Variants in CCSER1 observed in about 807,000 individuals in gnomAD.
CCSER1 encodes the protein coiled-coil serine rich protein 1.
In CCSER1, 41 loss-of-function variants were observed where a neutral mutation model predicts 82.0. The ratio of observed to expected loss-of-function variants is 0.50; its 90% CI spans 0.39 to 0.65. The LOEUF (loss-of-function observed/expected upper bound fraction) is 0.65, where lower values mean the gene tolerates loss of function less well. Ranked by LOEUF, CCSER1 falls within the 30% of genes least tolerant of loss-of-function variation. The probability of loss-of-function intolerance (pLI) is 0.00; values close to 1 mark genes in which losing one functional copy is unlikely to be tolerated. For missense variants in CCSER1, 1,119 were observed against 1,064.2 expected (o/e 1.05, Z -0.72); for synonymous variants, 414 against 383.9 (o/e 1.08, Z -0.92).
chr4:91,181,940 T>G (rs1464892379), intron 10 of CCSER1, among the ~76,000 whole-genome samples: 1 of 152,232 alleles, frequency 6.6e-6, no homozygotes, highest in African/African-American at 2.4e-5. Flanking sequence ...GCCCGATAAG[T>G]ATAATTGTTC....
intron 10 of CCSER1, among the ~76,000 whole-genome samples, chr4:91,565,846 T>C (rs1762863372): frequency 6.6e-6 from 1 of 152,172 alleles, no homozygotes; most frequent in Non-Finnish European, 1.5e-5. Context: ...CAGAGATAGT[T>C]TGACTTCCTG....
chr4:91,356,600 A>G (rs1025030235), intron 10 of CCSER1, among the ~76,000 whole-genome samples: 7 of 152,214 alleles, frequency 4.6e-5, no homozygotes, highest in Non-Finnish European at 7.3e-5. Context: ...CTAAAGCACA[A>G]GTGCCACTCT....
intron 6 of CCSER1, among the ~76,000 whole-genome samples, chr4:90,655,433 G>T (rs1368479138): frequency 1.3e-5 from 2 of 151,902 alleles, no homozygotes; most frequent in African/African-American, 4.8e-5. Flanking sequence ...GAGAACTTTG[G>T]GAAGTTTTAA....
Position 90,819,108 on chromosome 4 carries a change from C to T in CCSER1, c.2094+3263C>T, listed in dbSNP as rs925839252. Among the ~76,000 whole-genome samples the T allele has an allele frequency of 2.6e-5, 4 of 152,060 alleles. No homozygotes were observed. In the East Asian group the frequency reaches 7.7e-4, roughly 29 times the overall value. The stretch of plus-strand genomic sequence containing the variant: ...GCTGTCTTCCTGGCTTGCAGATGGC[C>T]ATCTTTTCGGTATGTGCTCCCATGG... On this transcript the variant is annotated intron_variant, in intron 8 of 10. Transcript: ENST00000509176.
intron 9 of CCSER1, among the ~76,000 whole-genome samples, chr4:91,056,116 A>C (rs28857631): frequency 0.17 from 26,141 of 151,810 alleles, 2,341 homozygotes; most frequent in Admixed American, 0.23. Flanking sequence ...TCATGTCTTT[A>C]GTTCTTTGAG....
intron 10 of CCSER1, among the ~76,000 whole-genome samples, chr4:91,371,467 GTCCTTCAGT>G (rs1295748640): frequency 2.0e-5 from 3 of 151,990 alleles, no homozygotes; most frequent in Non-Finnish European, 1.5e-5. Flanking sequence ...TTAACATAAT[GTCCTTCAGT>G]TCCATTTATG....
chr4:90,860,820 CA>C (rs1364524146), intron 8 of CCSER1, among the ~76,000 whole-genome samples: 4 of 151,546 alleles, frequency 2.6e-5, no homozygotes, highest in African/African-American at 9.7e-5. Context: ...CAAGTCTATA[CA>C]GACAGAAAGT....
At chr4:91,520,916 G>A (rs1244486602) in intron 10 of CCSER1, among the ~76,000 whole-genome samples, 3 of 151,722 alleles carry the variant, frequency 2.0e-5, no homozygotes, top group South Asian at 2.1e-4. Context: ...CTTTAAGTTC[G>A]AGGGTACATG....
At chr4:91,433,827 G>C (rs1754474385) in intron 10 of CCSER1, among the ~76,000 whole-genome samples, 2 of 152,190 alleles carry the variant, frequency 1.3e-5, no homozygotes. Flanking sequence ...AGTGTCCCAA[G>C]AGTCTAGCTC....
At chr4:91,098,302 T>C (rs1389984627) in intron 10 of CCSER1, among the ~76,000 whole-genome samples, 3 of 152,204 alleles carry the variant, frequency 2.0e-5, no homozygotes, top group Non-Finnish European at 4.4e-5. Flanking sequence ...ATCATTTTAA[T>C]TCTCTCCAAA....
chr4:91,353,084 A>T (rs986492518), intron 10 of CCSER1, among the ~76,000 whole-genome samples: 32 of 152,350 alleles, frequency 2.1e-4, no homozygotes, highest in Admixed American at 7.2e-4. Context: ...TCCAGACAGC[A>T]GGACAGCAAA....
chr4:90,274,709 ACCATCTTGGT>A (rs1727220061), intron 1 of CCSER1, among the ~76,000 whole-genome samples: 2 of 152,128 alleles, frequency 1.3e-5, no homozygotes, highest in African/African-American at 4.8e-5. Context: ...TTTGCACTTG[ACCATCTTGGT>A]CCCAGAATAT....
chr4:90,256,897 T>C (rs1723399477), intron 1 of CCSER1, among the ~76,000 whole-genome samples: 1 of 152,112 alleles, frequency 6.6e-6, no homozygotes, highest in South Asian at 2.1e-4. Context: ...TTACAGTATA[T>C]TGCTTTGTTT....
chr4:91,598,743 A>G lies in CCSER1; in HGVS notation c.2389A>G (p.Lys797Glu), dbSNP rs772385310. The change falls in exon 11 of 11, where the codon AAG becomes GAG. Residue 797 changes from lysine (K) to glutamate (E), a missense_variant. Lys to Glu is a moderately conservative substitution (Grantham distance 56). Coordinates refer to ENST00000509176, the MANE Select transcript of CCSER1 (RefSeq NM_001145065.2). ...SLCLSNFLKD[K>E]ELAEVIKHSR... ...CTGTTTAAGTAATTTCCTGAAGGAC[A>G]AGGAACTAGCAGAAGTTATCAAACA... 5 of 1,551,646 alleles carry G rather than the reference A, an allele frequency of 3.2e-6. No individual in the cohort carries two copies. Among genetic ancestry groups the G allele is most frequent in the Non-Finnish European group, 4.4e-6 (5 of 1,146,932 alleles).
intron 10 of CCSER1, among the ~76,000 whole-genome samples, chr4:91,475,450 CT>C (rs1343698840): frequency 6.6e-6 from 1 of 151,722 alleles, no homozygotes; most frequent in Non-Finnish European, 1.5e-5. Context: ...ATATCCCAAA[CT>C]TGTTATATAA....
chr4:90,261,470 G>T (rs1023258622), intron 1 of CCSER1, among the ~76,000 whole-genome samples: 2 of 152,142 alleles, frequency 1.3e-5, no homozygotes, highest in East Asian at 3.9e-4. Context: ...GAAGTCTTCT[G>T]TTAGTCTGAT....
chr4:90,729,321 A>C (rs893667204), intron 7 of CCSER1, among the ~76,000 whole-genome samples: 2 of 152,214 alleles, frequency 1.3e-5, no homozygotes, highest in Non-Finnish European at 2.9e-5. Context: ...ATATGAAAGA[A>C]ATATATTTTA....
At chr4:91,000,651 A>G (rs1363601010) in intron 9 of CCSER1, among the ~76,000 whole-genome samples, 1 of 151,836 alleles carries the variant, frequency 6.6e-6, no homozygotes, top group Non-Finnish European at 1.5e-5. Context: ...CCTTGATTAG[A>G]TGTATTCCTA....
chr4:91,483,038 A>G (rs901036056), intron 10 of CCSER1, among the ~76,000 whole-genome samples: 6 of 152,138 alleles, frequency 3.9e-5, no homozygotes, highest in African/African-American at 1.4e-4. Flanking sequence ...GCACATGTAT[A>G]CATATGTAAC....
Sources: gnomAD v4.1 joint callset for allele counts (sites outside exome capture counted in the v4.1 genomes callset) on GRCh38, gnomAD v4.1.1 for gene constraint, MANE v1.5 for transcripts, NCBI Gene and HGNC (gene_info 2026-07-23, HGNC 2026-07-21) for gene names.